CCDC171: variants seen among roughly 807,000 people sequenced by gnomAD.
CCDC171 encodes coiled-coil domain containing 171, also known as coiled-coil domain-containing protein 171.
CCDC171 carries 177 observed loss-of-function variants against 168.2 expected under a neutral mutation model. The ratio of observed to expected loss-of-function variants is 1.05; its 90% CI spans 0.93 to 1.19. The LOEUF (loss-of-function observed/expected upper bound fraction) is 1.19. Ranked by LOEUF, CCDC171 falls within the 50% of genes most tolerant of loss-of-function variation. CCDC171 has a pLI of 0.00. For missense variants in CCDC171, 1,991 were observed against 1,539.0 expected (o/e 1.29, Z -4.91); for synonymous variants, 687 against 540.8 (o/e 1.27, Z -3.75).
chr9:15,753,199 C>G (rs149648268), intron 18 of CCDC171, among the ~76,000 whole-genome samples: 55 of 152,168 alleles, frequency 3.6e-4, no homozygotes, highest in African/African-American at 1.3e-3. Context: ...GAAGGTGCTG[C>G]TCATTGTGGG....
chr9:16,011,599 C>T (rs2132987366), intron 3 of CCDC171, among the ~76,000 whole-genome samples: 1 of 152,156 alleles, frequency 6.6e-6, no homozygotes, highest in Non-Finnish European at 1.5e-5. Flanking sequence ...GTGGCAGGTC[C>T]ACAGCCACTG....
At chr9:16,012,203 T>C (rs1369080850) in intron 3 of CCDC171, among the ~76,000 whole-genome samples, 1 of 152,144 alleles carries the variant, frequency 6.6e-6, no homozygotes, top group Non-Finnish European at 1.5e-5. Flanking sequence ...GCTCCTCCTG[T>C]CCACTTTGCT....
intron 21 of CCDC171, among the ~76,000 whole-genome samples, chr9:15,805,811 T>G (rs2059045717): frequency 6.6e-6 from 1 of 152,174 alleles, no homozygotes. Flanking sequence ...TTGTTAATTT[T>G]CTGTCTGATA....
chr9:15,962,341 G>C (rs1830426249), intron 25 of CCDC171, among the ~76,000 whole-genome samples: 1 of 152,024 alleles, frequency 6.6e-6, no homozygotes, highest in Non-Finnish European at 1.5e-5. Context: ...ACTTAACTAT[G>C]CTTCTGGTTG....
At chr9:15,684,099 T>G (rs2050221307) in intron 10 of CCDC171, among the ~76,000 whole-genome samples, 1 of 152,066 alleles carries the variant, frequency 6.6e-6, no homozygotes, top group African/African-American at 2.4e-5. Context: ...AAATGCATTG[T>G]GCATATAATG....
At chr9:15,589,432 A>G (rs1466443876) in intron 4 of CCDC171, among the ~76,000 whole-genome samples, 1 of 152,130 alleles carries the variant, frequency 6.6e-6, no homozygotes, top group African/African-American at 2.4e-5. Flanking sequence ...CTTTAGATAA[A>G]TCCTGCCATT....
At chr9:15,596,321 A>T (rs1469098099) in intron 6 of CCDC171, among the ~76,000 whole-genome samples, 1 of 151,844 alleles carries the variant, frequency 6.6e-6, no homozygotes, top group Non-Finnish European at 1.5e-5. Flanking sequence ...TAATTTTTGT[A>T]TAAGGTGTAA....
intron 21 of CCDC171, among the ~76,000 whole-genome samples, chr9:15,791,324 G>T (rs2058248752): frequency 6.6e-6 from 1 of 152,040 alleles, no homozygotes; most frequent in South Asian, 2.1e-4. Flanking sequence ...TCCCTTGTAA[G>T]TTGGATTCCT....
At chr9:15,643,899 A>G (rs902903348) in intron 7 of CCDC171, among the ~76,000 whole-genome samples, 3 of 152,124 alleles carry the variant, frequency 2.0e-5, no homozygotes, top group African/African-American at 7.2e-5. Flanking sequence ...TATCACATTT[A>G]TTGGTACTTC....
chr9:16,016,431 G>C (rs1833019712), intron 3 of CCDC171, among the ~76,000 whole-genome samples: 1 of 152,096 alleles, frequency 6.6e-6, no homozygotes, highest in African/African-American at 2.4e-5. Context: ...ATGAATGAAA[G>C]AAAGAAAGAA....
At chr9:15,691,687 T>C (rs2050808874) in intron 10 of CCDC171, among the ~76,000 whole-genome samples, 1 of 151,828 alleles carries the variant, frequency 6.6e-6, no homozygotes, top group Admixed American at 6.6e-5. Flanking sequence ...TTTACCTTAT[T>C]TTATTTTTGA....
In CCDC171 at chr9:15,687,821, T is replaced by G. The variant is rs558717789; in HGVS notation, c.1216-7414T>G. Reference sequence around the variant, plus strand: ...AAAGACACAAATTACCAAAACTGGTTAAGAAGAAATATAAAATCCGTTGGG... The same window carrying G: ...AAAGACACAAATTACCAAAACTGGTGAAGAAGAAATATAAAATCCGTTGGG... On this transcript the variant is annotated intron_variant, in intron 10 of 25. Transcript: ENST00000380701. 1.6e-4 allele frequency among the ~76,000 whole-genome samples: 24 copies of G among 152,194 alleles called. No homozygotes were observed. In the South Asian group the frequency reaches 5.0e-3, roughly 32 times the overall value.
At chr9:16,030,620 C>T (rs537461083) in intron 6 of CCDC171, among the ~76,000 whole-genome samples, 2 of 152,276 alleles carry the variant, frequency 1.3e-5, no homozygotes, top group South Asian at 2.1e-4. Context: ...TACTGCTTCT[C>T]ACCAGGAGGT....
intron 8 of CCDC171, among the ~76,000 whole-genome samples, chr9:15,664,106 A>G (rs1001088603): frequency 5.3e-4 from 80 of 151,738 alleles, no homozygotes; most frequent in African/African-American, 1.9e-3. Context: ...TGGAGACTCA[A>G]AAGGGTGGGA....
chr9:16,032,743 A>G (rs1160938164), intron 6 of CCDC171, among the ~76,000 whole-genome samples: 1 of 152,104 alleles, frequency 6.6e-6, no homozygotes. Flanking sequence ...TAGGCCTCCC[A>G]AAATGCTGGG....
intron 21 of CCDC171, 22 bp from the exon 22 acceptor site, chr9:15,846,678 ACT>A: frequency 1.9e-6 from 3 of 1,610,936 alleles, no homozygotes; most frequent in Non-Finnish European, 2.5e-6. Context: ...CTGACAAGTA[ACT>A]CTGTTTTCTG....
chr9:15,623,198 C>G (rs1001758103), intron 6 of CCDC171, 69 bp from the exon 7 acceptor site: 10 of 1,146,310 alleles, frequency 8.7e-6, no homozygotes, highest in Non-Finnish European at 1.1e-5. Flanking sequence ...TCACTGTCTT[C>G]TATTGGAGTG....
chr9:16,088,905 C>G, the CCDC171 span, among the ~76,000 whole-genome samples: 4 of 152,190 alleles, frequency 2.6e-5, no homozygotes, highest in South Asian at 4.2e-4. Context: ...ATAGCCAAGA[C>G]AATCCTAAGC....
intron 11 of CCDC171, among the ~76,000 whole-genome samples, chr9:15,719,375 G>A (rs908265393): frequency 1.7e-5 from 2 of 118,860 alleles, no homozygotes; most frequent in East Asian, 3.0e-4. Flanking sequence ...AGAGTTATTG[G>A]CCTTCAAGGC....
Sources: gnomAD v4.1 joint callset for allele counts (sites outside exome capture counted in the v4.1 genomes callset) on GRCh38, gnomAD v4.1.1 for gene constraint, MANE v1.5 for transcripts, NCBI Gene and HGNC (gene_info 2026-07-23, HGNC 2026-07-21) for gene names.